CA8: variants seen among roughly 807,000 people sequenced by gnomAD.
CA8 encodes carbonic anhydrase 8 (inactive), also known as carbonic anhydrase-related protein.
CA8 carries 22 observed loss-of-function variants against 41.4 expected under a neutral mutation model. The ratio of observed to expected loss-of-function variants is 0.53; its 90% CI spans 0.38 to 0.76. The LOEUF (loss-of-function observed/expected upper bound fraction) is 0.76, where lower values mean the gene tolerates loss of function less well. Among genes scored for constraint, CA8 ranks in the 30% least tolerant of loss-of-function variants. The pLI is 0.00. For synonymous variants in CA8, 121 were observed against 130.6 expected, an observed-to-expected ratio of 0.93 and a Z score of 0.50; for missense variants, 270 against 352.8, an observed-to-expected ratio of 0.77 and a Z score of 1.88.
intron 7 of CA8, among the ~76,000 whole-genome samples, chr8:60,216,621 A>C (rs913893880): frequency 3.9e-5 from 6 of 152,196 alleles, no homozygotes; most frequent in Non-Finnish European, 4.4e-5. Context: ...TTCAAGGAAA[A>C]ATACAAAGTT....
chr8:60,213,246 C>T (rs1248731359), intron 7 of CA8, among the ~76,000 whole-genome samples: 3 of 152,224 alleles, frequency 2.0e-5, no homozygotes, highest in Non-Finnish European at 1.5e-5. Flanking sequence ...TCCCTGGTAA[C>T]ACCGACGTCA....
intron 3 of CA8, 157 bp from the exon 4 acceptor site, chr8:60,232,536 G>C: frequency 1.4e-6 from 1 of 696,318 alleles, no homozygotes; most frequent in Non-Finnish European, 2.6e-6. Flanking sequence ...CGAGTTCTCT[G>C]TATGAATTCC....
At chr8:60,259,851 T>A (rs1463366840) in intron 3 of CA8, among the ~76,000 whole-genome samples, 9 of 152,034 alleles carry the variant, frequency 5.9e-5, no homozygotes, top group Non-Finnish European at 1.5e-5. Context: ...AGGCTCAATC[T>A]GCTAGCTCTA....
At chr8:60,223,813 A>G (rs1807331677) in intron 6 of CA8, among the ~76,000 whole-genome samples, 2 of 152,352 alleles carry the variant, frequency 1.3e-5, no homozygotes, top group Admixed American at 1.3e-4. Flanking sequence ...CAATGCATCA[A>G]CTGGTTTTGT....
chr8:60,216,342 G>A (rs893356077), intron 7 of CA8, among the ~76,000 whole-genome samples: 2 of 152,164 alleles, frequency 1.3e-5, no homozygotes, highest in African/African-American at 2.4e-5. Context: ...TTTAATATAC[G>A]TAAATGTGTG....
intron 4 of CA8, 65 bp downstream of exon 4, chr8:60,232,219 A>T (rs566313488): frequency 3.1e-6 from 4 of 1,283,326 alleles, no homozygotes; most frequent in Non-Finnish European, 4.6e-6. Context: ...GAATAAAAAA[A>T]TTTTACAAAA....
chr8:60,212,731 T>C (rs751408898), intron 7 of CA8, among the ~76,000 whole-genome samples: 4 of 152,202 alleles, frequency 2.6e-5, no homozygotes, highest in Non-Finnish European at 5.9e-5. Flanking sequence ...TACAGCACAG[T>C]ACCTATAGTT....
intron 2 of CA8, among the ~76,000 whole-genome samples, chr8:60,270,447 G>C (rs1451310652): frequency 6.6e-6 from 1 of 152,116 alleles, no homozygotes; most frequent in Non-Finnish European, 1.5e-5. Flanking sequence ...ATGGAGTCTT[G>C]CTCTGTCATC....
In CA8 at chr8:60,189,663, TTCTCAA is replaced by T. The variant is rs1327359398; in HGVS notation, c.*352_*357del. ...CTAACACCGGGAATGTATTTTTCCT[TTCTCAA>T]TATTAACACATGATATATATTCATA... On this transcript the variant is annotated 3_prime_UTR_variant, in exon 9 of 9. Transcript: ENST00000317995. 3 of 152,474 alleles carry T rather than the reference TTCTCAA, an allele frequency of 2.0e-5. No homozygotes were observed. In the East Asian group the frequency reaches 5.8e-4, roughly 29 times the overall value. The allele number at this position is 152,474 out of a possible 1,614,324, so 9.4% of individuals were successfully genotyped here. A position where few individuals can be genotyped will look rare whatever the true frequency, so the allele number is the denominator to read the frequency against.
chr8:60,274,080 G>A (rs764536672), intron 2 of CA8, among the ~76,000 whole-genome samples: 5 of 152,008 alleles, frequency 3.3e-5, no homozygotes, highest in Non-Finnish European at 5.9e-5. Flanking sequence ...ACAGCCTCAG[G>A]GAGGGCTGAG....
intron 6 of CA8, among the ~76,000 whole-genome samples, chr8:60,223,185 T>C (rs1245476728): frequency 3.3e-5 from 5 of 152,214 alleles, no homozygotes; most frequent in Non-Finnish European, 5.9e-5. Flanking sequence ...ATATTTCAGA[T>C]GGGGAAACAG....
intron 7 of CA8, 100 bp downstream of exon 7, chr8:60,222,549 G>C: frequency 2.6e-6 from 2 of 761,766 alleles, no homozygotes; most frequent in South Asian, 1.5e-5. Context: ...AGGTATGACT[G>C]ATCTACAGGA....
chr8:60,228,375 CTT>C (rs1302295073), intron 4 of CA8, among the ~76,000 whole-genome samples: 1 of 152,230 alleles, frequency 6.6e-6, no homozygotes, highest in East Asian at 1.9e-4. Context: ...ATGGACTTCT[CTT>C]TTGTCTTACT....
intron 5 of CA8, 55 bp downstream of exon 5, chr8:60,226,818 C>A: frequency 9.8e-7 from 1 of 1,020,766 alleles, no homozygotes; most frequent in South Asian, 1.3e-5. Context: ...CGCAGGTGGT[C>A]ACAGGGAGCT....
intron 8 of CA8, among the ~76,000 whole-genome samples, chr8:60,207,332 G>C (rs1363192444): frequency 2.6e-5 from 4 of 152,174 alleles, no homozygotes; most frequent in Non-Finnish European, 4.4e-5. Flanking sequence ...AACATTATAT[G>C]AACATATACA....
chr8:60,223,346 G>A (rs1807314162), intron 6 of CA8, among the ~76,000 whole-genome samples: 2 of 152,100 alleles, frequency 1.3e-5, no homozygotes, highest in Non-Finnish European at 2.9e-5. Flanking sequence ...CTGCTGGAGT[G>A]TGGTGGTGTG....
intron 2 of CA8, among the ~76,000 whole-genome samples, chr8:60,279,001 G>A (rs935262566): frequency 2.0e-5 from 3 of 151,958 alleles, no homozygotes; most frequent in African/African-American, 7.3e-5. Context: ...TCTTTCCTAC[G>A]ATAAAGCCAA....
intron 8 of CA8, among the ~76,000 whole-genome samples, chr8:60,194,795 A>T (rs1806232690): frequency 6.6e-6 from 1 of 152,146 alleles, no homozygotes; most frequent in South Asian, 2.1e-4. Flanking sequence ...TCCAGCTTCC[A>T]AAGTATTGTG....
At position 60,187,539 on chromosome 8, in the gene CA8, C is replaced by G. The variant is rs995059570; in HGVS notation, c.*2482G>C. 1.3e-5 allele frequency: 2 copies of G among 151,950 alleles called. No homozygotes were observed. Among genetic ancestry groups the G allele is most frequent in the African/African-American group, 2.4e-5 (1 of 41,384 alleles). 9.4% of individuals were successfully genotyped at this position (151,950 alleles called of 1,614,324 possible). A position where few individuals can be genotyped will look rare whatever the true frequency, so the allele number is the denominator to read the frequency against. The stretch of plus-strand genomic sequence containing the variant: ...AATACAAACACAATAGAGAAAACCC[C>G]AAAATCCACTTTGGCTCCTTGAAAA... On this transcript the variant is annotated 3_prime_UTR_variant, in exon 9 of 9. Coordinates refer to ENST00000317995, the MANE Select transcript of CA8 (RefSeq NM_004056.6).
Sources: allele counts gnomAD v4.1 joint callset (sites outside exome capture counted in the v4.1 genomes callset), GRCh38; gene constraint gnomAD v4.1.1; transcripts MANE v1.5; gene names NCBI Gene and HGNC (gene_info 2026-07-23, HGNC 2026-07-21).